GREB1L: variants seen among roughly 807,000 people sequenced by gnomAD.
The protein encoded by GREB1L is GREB1 like retinoic acid receptor coactivator, also known as GREB1-like protein.
Under a neutral mutation model 200.8 loss-of-function variants are expected in GREB1L, and 17 were observed. The observed-to-expected ratio is 0.08, with a 90% CI of 0.06 to 0.13. The LOEUF (loss-of-function observed/expected upper bound fraction) is 0.13, where lower values mean the gene tolerates loss of function less well. GREB1L is among the 10% of genes least tolerant of loss of function. The pLI is 1.00. For synonymous variants in GREB1L, 789 were observed against 893.0 expected, an observed-to-expected ratio of 0.88 and a Z score of 2.08; for missense variants, 1,657 against 2,367.7, an observed-to-expected ratio of 0.70 and a Z score of 6.23.
At chr18:21,375,120 G>A (rs899227301) in intron 2 of GREB1L, among the ~76,000 whole-genome samples, 20 of 151,376 alleles carry the variant, frequency 1.3e-4, no homozygotes, top group African/African-American at 3.9e-4. Context: ...CTGGAATGCA[G>A]TGGCACGAAC....
At chr18:21,483,741 C>T (rs2145792544) in intron 17 of GREB1L, among the ~76,000 whole-genome samples, 1 of 152,166 alleles carries the variant, frequency 6.6e-6, no homozygotes. Context: ...CTTTGGGAGG[C>T]CGAGGCAGGT....
intron 2 of GREB1L, among the ~76,000 whole-genome samples, chr18:21,381,772 A>G (rs1393248477): frequency 6.6e-6 from 1 of 152,228 alleles, no homozygotes; most frequent in East Asian, 1.9e-4. Context: ...GATTCAAGGA[A>G]AAGTTTGCTG....
chr18:21,434,995 C>T (rs1326955266), intron 7 of GREB1L: 1 of 152,624 alleles, frequency 6.6e-6, no homozygotes, highest in Non-Finnish European at 1.5e-5. Flanking sequence ...TTAAGTGGAG[C>T]TCAGGACCTG....
chr18:21,262,722 A>T (rs1180788230), intron 1 of GREB1L, among the ~76,000 whole-genome samples: 1 of 152,216 alleles, frequency 6.6e-6, no homozygotes. Context: ...AAAACCTAGA[A>T]GTTCTTAGCA....
intron 19 of GREB1L, 121 bp from the exon 20 acceptor site, chr18:21,495,549 T>G (rs1407771360): frequency 1.2e-5 from 8 of 664,222 alleles, no homozygotes; most frequent in Admixed American, 1.2e-4. Context: ...TAAACATATG[T>G]AAACACTTAG....
Position 21,413,663 on chromosome 18 carries a change from T to C in GREB1L, c.832+9669T>C, listed in dbSNP as rs291780. Among the ~76,000 whole-genome samples, 1,143 of 152,210 alleles carry C rather than the reference T, an allele frequency of 7.5e-3. 19 individuals are homozygous for C. The highest frequency in any genetic ancestry group is 0.026 in the African/African-American group (1,065 of 41,504). Reference sequence around the variant, plus strand: ...GAGCCTAACATAGTACCTGGCATGCTGAAGAGGCTCAATAAATATTTGATG... The same window carrying C: ...GAGCCTAACATAGTACCTGGCATGCCGAAGAGGCTCAATAAATATTTGATG... On this transcript the variant is annotated intron_variant, in intron 7 of 32. Coordinates refer to ENST00000424526, the MANE Select transcript of GREB1L (RefSeq NM_001142966.3).
intron 4 of GREB1L, among the ~76,000 whole-genome samples, chr18:21,395,129 A>G (rs2040999299): frequency 6.6e-6 from 1 of 151,204 alleles, no homozygotes; most frequent in Non-Finnish European, 1.5e-5. Flanking sequence ...AAAAGAAAAA[A>G]AAAAGAAAAA....
At chr18:21,271,609 G>T (rs2038079282) in intron 1 of GREB1L, among the ~76,000 whole-genome samples, 1 of 143,912 alleles carries the variant, frequency 6.9e-6, no homozygotes, top group African/African-American at 2.6e-5. Context: ...CTATAGTCTT[G>T]CCACTGCATT....
At chr18:21,408,519 G>A (rs2030556505) in intron 7 of GREB1L, among the ~76,000 whole-genome samples, 3 of 152,154 alleles carry the variant, frequency 2.0e-5, no homozygotes, top group Non-Finnish European at 4.4e-5. Context: ...TGAGAGCCAG[G>A]TGCGGTGGCT....
At chr18:21,448,181 C>T (rs971472659) in intron 11 of GREB1L, among the ~76,000 whole-genome samples, 14 of 150,100 alleles carry the variant, frequency 9.3e-5, no homozygotes, top group Non-Finnish European at 1.6e-4. Flanking sequence ...AAAGCAGCAG[C>T]AGCAGCATAG....
intron 7 of GREB1L, among the ~76,000 whole-genome samples, chr18:21,405,669 C>G (rs2030114487): frequency 1.3e-5 from 2 of 152,096 alleles, no homozygotes; most frequent in Non-Finnish European, 2.9e-5. Flanking sequence ...GGCATGGTGG[C>G]ATGCGCCTGT....
chr18:21,271,294 T>C (rs2144280856), intron 1 of GREB1L, among the ~76,000 whole-genome samples: 1 of 152,286 alleles, frequency 6.6e-6, no homozygotes, highest in Non-Finnish European at 1.5e-5. Context: ...TCTTCTTTCA[T>C]GCATGTCCCA....
intron 18 of GREB1L, among the ~76,000 whole-genome samples, chr18:21,486,651 A>T (rs1460210039): frequency 2.6e-5 from 4 of 152,172 alleles, no homozygotes; most frequent in African/African-American, 7.2e-5. Context: ...AAGAAAAAAA[A>T]AATCCCCATT....
At chr18:21,270,423 C>A (rs1340375451) in intron 1 of GREB1L, among the ~76,000 whole-genome samples, 1 of 152,128 alleles carries the variant, frequency 6.6e-6, no homozygotes, top group African/African-American at 2.4e-5. Flanking sequence ...GGAAGCCTGG[C>A]TGCCTGCGCT....
intron 1 of GREB1L, among the ~76,000 whole-genome samples, chr18:21,245,694 CTTTTT>C (rs1359745264): frequency 6.7e-6 from 1 of 149,276 alleles, no homozygotes; most frequent in Non-Finnish European, 1.5e-5. Flanking sequence ...AATGCCTATT[CTTTTT>C]TTGTTTTGTT....
intron 2 of GREB1L, chr18:21,380,369 C>T (rs192212944): frequency 6.6e-6 from 1 of 152,348 alleles, no homozygotes; most frequent in East Asian, 1.9e-4. Context: ...CTGATGAACA[C>T]TGATGCATCC....
intron 2 of GREB1L, among the ~76,000 whole-genome samples, chr18:21,382,182 T>G (rs1330430727): frequency 1.3e-5 from 2 of 151,998 alleles, no homozygotes; most frequent in Admixed American, 6.6e-5. Flanking sequence ...GCGTCTCTAC[T>G]AAAAATACGA....
At chr18:21,314,190 AC>A (rs1325511600) in intron 1 of GREB1L, among the ~76,000 whole-genome samples, 7 of 152,040 alleles carry the variant, frequency 4.6e-5, no homozygotes, top group Admixed American at 4.6e-4. Context: ...TGTGGTTCAA[AC>A]TCCAAGTTGC....
At position 21,383,564 on chromosome 18, in the gene GREB1L, G is replaced by A; in HGVS notation, c.46G>A (p.Glu16Lys). 6.5e-7 allele frequency: 1 copy of A among 1,547,806 alleles called. No homozygotes were observed. The highest frequency in any genetic ancestry group is 8.7e-7 in the Non-Finnish European group (1 of 1,145,742). Residue 16 changes from glutamate to lysine, a missense_variant, in exon 3 of 33, where the codon GAA (glutamate) becomes AAA (lysine). Physicochemically the swap from Glu to Lys is moderately conservative, Grantham distance 56. Coordinates refer to ENST00000424526, the MANE Select transcript of GREB1L (RefSeq NM_001142966.3). ...AGQLKSARFE[E>K]ALHNSIEASL... ...GCAACTGAAATCTGCTCGATTTGAGGAAGCTCTCCACAACTCCATAGAAGC... is the reference window on the plus strand; with the variant it reads ...GCAACTGAAATCTGCTCGATTTGAGAAAGCTCTCCACAACTCCATAGAAGC...
Sources: allele counts gnomAD v4.1 joint callset (sites outside exome capture counted in the v4.1 genomes callset), GRCh38; gene constraint gnomAD v4.1.1; transcripts MANE v1.5; gene names NCBI Gene and HGNC (gene_info 2026-07-23, HGNC 2026-07-21).